Variants in PKN2 observed in about 807,000 individuals in gnomAD.
PKN2 encodes protein kinase N2.
PKN2 carries 38 observed loss-of-function variants against 119.1 expected under a neutral mutation model. The observed-to-expected ratio is 0.32, with a 90% CI of 0.25 to 0.42. PKN2 has a LOEUF of 0.42. Among genes scored for constraint, PKN2 ranks in the 10% least tolerant of loss-of-function variants. The probability of loss-of-function intolerance (pLI) is 1.00; values close to 1 mark genes in which losing one functional copy is unlikely to be tolerated. For missense variants in PKN2, 850 were observed against 1,165.1 expected (o/e 0.73, Z 3.94); for synonymous variants, 390 against 384.9 (o/e 1.01, Z -0.15).
At chr1:88,699,356 GT>G (rs371052000) in intron 1 of PKN2, among the ~76,000 whole-genome samples, 10 of 151,388 alleles carry the variant, frequency 6.6e-5, no homozygotes, top group East Asian at 3.9e-4. Flanking sequence ...TAAGTATCTT[GT>G]TTTTTTTGCG....
chr1:88,741,359 A>G (rs1447186393), intron 2 of PKN2, 71 bp downstream of exon 2: 1 of 1,000,186 alleles, frequency 1.0e-6, no homozygotes, highest in Non-Finnish European at 1.4e-6. Context: ...AGAAAATAGT[A>G]AGTTTGGGGA....
chr1:88,829,308 T>A, intron 19 of PKN2: 1 of 599,200 alleles, frequency 1.7e-6, no homozygotes. Context: ...CCTTCACATG[T>A]GCTATCAAAA....
At chr1:88,803,513 T>A (rs968405440) in intron 8 of PKN2, among the ~76,000 whole-genome samples, 1 of 152,208 alleles carries the variant, frequency 6.6e-6, no homozygotes, top group African/African-American at 2.4e-5. Context: ...CAGTACTTTA[T>A]GATTAAAATG....
chr1:88,817,769 A>C (rs1371312335), intron 16 of PKN2, among the ~76,000 whole-genome samples: 1 of 152,012 alleles, frequency 6.6e-6, no homozygotes, highest in Non-Finnish European at 1.5e-5. Flanking sequence ...TCATGCTAAA[A>C]ACTCAATAAA....
At chr1:88,763,105 G>A (rs1322427705) in intron 3 of PKN2, among the ~76,000 whole-genome samples, 1 of 152,210 alleles carries the variant, frequency 6.6e-6, no homozygotes, top group African/African-American at 2.4e-5. Context: ...GGTGATTCCA[G>A]TAGGGCTTCT....
intron 1 of PKN2, among the ~76,000 whole-genome samples, chr1:88,693,806 AT>A: frequency 6.6e-6 from 1 of 152,358 alleles, no homozygotes; most frequent in South Asian, 2.1e-4. Context: ...CCAAGAACCT[AT>A]CAGCAGTGTT....
chr1:88,710,733 C>T (rs1416259200), intron 1 of PKN2, among the ~76,000 whole-genome samples: 5 of 152,158 alleles, frequency 3.3e-5, no homozygotes, highest in East Asian at 1.9e-4. Context: ...TTGTGGAAGA[C>T]GGTGTGGCAA....
chr1:88,810,173 T>C (rs974847800), intron 15 of PKN2, among the ~76,000 whole-genome samples: 2 of 151,672 alleles, frequency 1.3e-5, no homozygotes, highest in African/African-American at 4.8e-5. Flanking sequence ...CAAACTGGAG[T>C]GCAATGGCAT....
At chr1:88,730,082 G>C (rs1244416649) in intron 1 of PKN2, among the ~76,000 whole-genome samples, 1 of 151,852 alleles carries the variant, frequency 6.6e-6, no homozygotes, top group East Asian at 1.9e-4. Flanking sequence ...GGAGAATGAC[G>C]TAAACCCGGG....
intron 8 of PKN2, among the ~76,000 whole-genome samples, chr1:88,798,153 G>A (rs1425497358): frequency 6.6e-6 from 1 of 151,420 alleles, no homozygotes; most frequent in Non-Finnish European, 1.5e-5. Context: ...AAGCTTAGGG[G>A]AATAATAATT....
intron 1 of PKN2, among the ~76,000 whole-genome samples, chr1:88,699,254 C>G (rs1244061470): frequency 1.3e-5 from 2 of 151,998 alleles, no homozygotes; most frequent in Non-Finnish European, 2.9e-5. Flanking sequence ...GGGAGATTGC[C>G]TTTATTTTTC....
At chr1:88,830,604 A>G (rs961555483) in intron 19 of PKN2, among the ~76,000 whole-genome samples, 1 of 152,146 alleles carries the variant, frequency 6.6e-6, no homozygotes, top group African/African-American at 2.4e-5. Flanking sequence ...ATATGAGTTT[A>G]TTACAAAATA....
Position 88,834,116 on chromosome 1 carries a change from C to G in PKN2, c.*668C>G, listed in dbSNP as rs1344211199. ...CTTTCCAACAGAGCTGCTTGCCAAA[C>G]AATTTTTTTTGTTTATTAAACAGTG... On this transcript the variant is annotated 3_prime_UTR_variant, in exon 22 of 22. Transcript: ENST00000370521. 6.6e-6 allele frequency: 1 copy of G among 151,928 alleles called. No homozygotes were observed. Among genetic ancestry groups the G allele is most frequent in the Admixed American group, 6.6e-5 (1 of 15,212 alleles). 9.4% of individuals were successfully genotyped at this position (151,928 alleles called of 1,614,324 possible).
chr1:88,706,222 G>A (rs1170005751), intron 1 of PKN2, among the ~76,000 whole-genome samples: 3 of 152,058 alleles, frequency 2.0e-5, no homozygotes, highest in Non-Finnish European at 2.9e-5. Flanking sequence ...TGTTAGATAT[G>A]TCTGTAAGTA....
intron 1 of PKN2, among the ~76,000 whole-genome samples, chr1:88,708,065 A>G (rs1667069544): frequency 6.6e-6 from 1 of 152,168 alleles, no homozygotes; most frequent in Non-Finnish European, 1.5e-5. Context: ...TAGCATCACT[A>G]ACACTAATGC....
intron 1 of PKN2, among the ~76,000 whole-genome samples, chr1:88,688,386 C>T (rs1239608424): frequency 6.6e-6 from 1 of 151,884 alleles, no homozygotes; most frequent in East Asian, 1.9e-4. Flanking sequence ...TGCCCGGCGC[C>T]ACTACACCAT....
intron 1 of PKN2, among the ~76,000 whole-genome samples, chr1:88,688,476 G>A (rs1258630537): frequency 6.6e-6 from 1 of 152,118 alleles, no homozygotes; most frequent in African/African-American, 2.4e-5. Flanking sequence ...CTACAAATTG[G>A]CCAAAAACGT....
At chr1:88,704,277 A>G (rs982906414) in intron 1 of PKN2, among the ~76,000 whole-genome samples, 3 of 152,100 alleles carry the variant, frequency 2.0e-5, no homozygotes, top group African/African-American at 7.2e-5. Flanking sequence ...CTTTCACTCA[A>G]ATCATGATTT....
intron 8 of PKN2, among the ~76,000 whole-genome samples, chr1:88,801,038 T>C (rs909931893): frequency 6.6e-6 from 1 of 152,172 alleles, no homozygotes; most frequent in African/African-American, 2.4e-5. Flanking sequence ...GTAACTGACC[T>C]GCTTCATCTA....
Sources: gnomAD v4.1 joint callset for allele counts (sites outside exome capture counted in the v4.1 genomes callset) on GRCh38, gnomAD v4.1.1 for gene constraint, MANE v1.5 for transcripts, NCBI Gene and HGNC (gene_info 2026-07-23, HGNC 2026-07-21) for gene names.